RIT2: variants seen among roughly 807,000 people sequenced by gnomAD.
RIT2 encodes GTP-binding protein Rit2.
In RIT2, 24 loss-of-function variants were observed where a neutral mutation model predicts 23.7. The observed-to-expected ratio is 1.01, with a 90% CI of 0.73 to 1.43. The LOEUF (loss-of-function observed/expected upper bound fraction) is 1.43, where lower values mean the gene tolerates loss of function less well. Among genes scored for constraint, RIT2 ranks in the 40% most tolerant of loss-of-function variants. The pLI, the probability that RIT2 is intolerant of heterozygous loss-of-function variation, is 0.00. For missense variants in RIT2, 236 were observed against 266.9 expected (o/e 0.88, Z 0.81); for synonymous variants, 107 against 91.1 (o/e 1.17, Z -0.99).
At chr18:42,823,556 G>C (rs967648982) in intron 4 of RIT2, among the ~76,000 whole-genome samples, 3 of 152,120 alleles carry the variant, frequency 2.0e-5, no homozygotes, top group Non-Finnish European at 4.4e-5. Context: ...AAGAGATCAA[G>C]TTTCTACTTT....
intron 4 of RIT2, among the ~76,000 whole-genome samples, chr18:42,755,917 G>GA (rs1913152095): frequency 6.6e-6 from 1 of 152,018 alleles, no homozygotes; most frequent in African/African-American, 2.4e-5. Flanking sequence ...CCTGAGACAG[G>GA]GAGCCTTAAT....
intron 2 of RIT2, among the ~76,000 whole-genome samples, chr18:43,026,576 GA>G (rs1555652886): frequency 4.3e-5 from 1 of 23,390 alleles, no homozygotes; most frequent in African/African-American, 1.3e-4. Context: ...AAATAAATAA[GA>G]AAGAAAGAAA....
rs370014104 is a variant in RIT2, at chr18:42,864,192, G to A, written c.426+59380C>T. On this transcript the variant is annotated intron_variant, in intron 4 of 4. Coordinates refer to ENST00000326695, the MANE Select transcript of RIT2 (RefSeq NM_002930.4). ...TGCCATGCCTTTCTCCCTTTTATTT[G>A]GAAAGTTTGAATCATCACAGGGGAA... is the stretch of plus-strand genomic sequence containing the variant. Among the ~76,000 whole-genome samples the A allele has an allele frequency of 9.2e-5, 14 of 152,170 alleles. No homozygotes were observed. In the East Asian group the frequency reaches 2.1e-3, roughly 23 times the overall value.
chr18:43,111,514 A>G (rs895057101), intron 1 of RIT2, among the ~76,000 whole-genome samples: 10 of 152,226 alleles, frequency 6.6e-5, no homozygotes, highest in African/African-American at 2.4e-4. Flanking sequence ...CCCTGATGTG[A>G]TTATTATACA....
intron 4 of RIT2, among the ~76,000 whole-genome samples, chr18:42,837,531 T>G (rs571903878): frequency 6.6e-6 from 1 of 152,252 alleles, no homozygotes; most frequent in East Asian, 1.9e-4. Context: ...CATATGCAGT[T>G]TATGGGCTGG....
rs565743653 is a variant in RIT2 at position 42,797,230 on chromosome 18, C to T, written c.427-53510G>A. On this transcript the variant is annotated intron_variant, in intron 4 of 4. Coordinates refer to ENST00000326695, the MANE Select transcript of RIT2 (RefSeq NM_002930.4). ...ATCAGGCATATAATCTAAAAAGAAACTCAAAGTCCTAAGAAAGGTCACTTA... is the reference window on the plus strand; with the variant it reads ...ATCAGGCATATAATCTAAAAAGAAATTCAAAGTCCTAAGAAAGGTCACTTA... Among the ~76,000 whole-genome samples the T allele has an allele frequency of 3.0e-4, 45 of 152,030 alleles. 1 individual carries two copies. Among genetic ancestry groups the T allele is most frequent in the Non-Finnish European group, 5.7e-4 (39 of 67,994 alleles).
intron 4 of RIT2, among the ~76,000 whole-genome samples, chr18:42,890,489 CAAGG>C (rs1235906170): frequency 8.3e-6 from 1 of 120,714 alleles, no homozygotes. Flanking sequence ...AAGAGGGAGT[CAAGG>C]AGGGAGGGAG....
chr18:43,108,017 A>T (rs2144248878), intron 1 of RIT2, among the ~76,000 whole-genome samples: 1 of 151,296 alleles, frequency 6.6e-6, no homozygotes, highest in Admixed American at 6.6e-5. Context: ...CAAAAAAAAA[A>T]AAAAAAATTA....
Position 42,923,583 on chromosome 18 carries a change from G to A in RIT2, c.415C>T (p.Gln139Ter). 1 of 1,613,086 alleles carries A rather than the reference G, an allele frequency of 6.2e-7. No individual in the cohort carries two copies. The highest frequency in any genetic ancestry group is 8.5e-7 in the Non-Finnish European group (1 of 1,179,354). ...VLVGNKIDLE[Q>*]FRQVSTEEGL... ...AAATCGGCACTCACCTGGCGGAACTGTTCCAGATCAATTTTGTTACCCACC... is the reference window on the plus strand; with the variant it reads ...AAATCGGCACTCACCTGGCGGAACTATTCCAGATCAATTTTGTTACCCACC... The change falls in exon 4 of 5, where the codon CAG becomes TAG. Residue 139 changes from glutamine to a stop codon, truncating the protein, a stop_gained. Transcript: ENST00000326695. LOFTEE classifies it high-confidence loss of function.
rs576939829 is a variant in RIT2, at chr18:42,994,131, A to C, written c.161-19984T>G. Among the ~76,000 whole-genome samples the C allele has an allele frequency of 3.9e-5, 6 of 152,202 alleles. No homozygotes were observed. The South Asian group carries it at 1.2e-3, about 32-fold the overall frequency. On this transcript the variant is annotated intron_variant, in intron 2 of 4. Coordinates refer to ENST00000326695, the MANE Select transcript of RIT2 (RefSeq NM_002930.4). The stretch of plus-strand genomic sequence containing the variant: ...CATTATTCTGTTCTGGATCTCAAAC[A>C]TGCTTTCTTTACTATTCCTTTGCAC...
At chr18:42,955,458 C>G (rs1269573919) in intron 3 of RIT2, among the ~76,000 whole-genome samples, 2 of 152,160 alleles carry the variant, frequency 1.3e-5, no homozygotes. Context: ...CCCCAACACT[C>G]TCTCCACTTA....
At chr18:43,110,970 G>A (rs1913938536) in intron 1 of RIT2, among the ~76,000 whole-genome samples, 1 of 152,040 alleles carries the variant, frequency 6.6e-6, no homozygotes, top group African/African-American at 2.4e-5. Context: ...ACTTTTTATA[G>A]GGGGTGGCAG....
intron 2 of RIT2, among the ~76,000 whole-genome samples, chr18:43,011,421 A>C (rs901409840): frequency 2.6e-5 from 4 of 151,816 alleles, no homozygotes; most frequent in African/African-American, 9.7e-5. Context: ...AGACAAGACA[A>C]AGAAGTGGAG....
chr18:43,025,630 A>G (rs1911699538), intron 2 of RIT2, among the ~76,000 whole-genome samples: 1 of 152,142 alleles, frequency 6.6e-6, no homozygotes, highest in African/African-American at 2.4e-5. Context: ...ACACACATAT[A>G]TATATATGCC....
intron 4 of RIT2, among the ~76,000 whole-genome samples, chr18:42,859,760 C>T (rs1040690038): frequency 6.6e-6 from 1 of 151,448 alleles, no homozygotes; most frequent in Non-Finnish European, 1.5e-5. Flanking sequence ...AGATATTTAA[C>T]AGTAGTTCAA....
intron 4 of RIT2, among the ~76,000 whole-genome samples, chr18:42,788,592 C>A (rs1422586747): frequency 1.3e-5 from 2 of 152,118 alleles, no homozygotes; most frequent in African/African-American, 2.4e-5. Context: ...AAATGAGATT[C>A]ATTAATATCA....
chr18:42,949,489 C>G (rs1189400490), intron 3 of RIT2, among the ~76,000 whole-genome samples: 2 of 152,098 alleles, frequency 1.3e-5, no homozygotes. Flanking sequence ...TGATGCCAGT[C>G]TGTGGTTAGA....
At chr18:42,867,959 T>G (rs1305897603) in intron 4 of RIT2, among the ~76,000 whole-genome samples, 1 of 152,206 alleles carries the variant, frequency 6.6e-6, no homozygotes, top group Non-Finnish European at 1.5e-5. Flanking sequence ...TGTCACAGGC[T>G]ATTCCACTGT....
intron 4 of RIT2, among the ~76,000 whole-genome samples, chr18:42,847,937 C>A (rs1304629650): frequency 1.3e-5 from 2 of 150,434 alleles, no homozygotes; most frequent in Non-Finnish European, 3.0e-5. Flanking sequence ...GATGATAAAT[C>A]TAATTTATAA....
Sources: allele counts gnomAD v4.1 joint callset (sites outside exome capture counted in the v4.1 genomes callset), GRCh38; gene constraint gnomAD v4.1.1; transcripts MANE v1.5; gene names NCBI Gene and HGNC (gene_info 2026-07-23, HGNC 2026-07-21).